Variants in ABCC6 observed in about 807,000 individuals in gnomAD.
ABCC6 encodes ATP-binding cassette sub-family C member 6.
Under a neutral mutation model 169.5 loss-of-function variants are expected in ABCC6, and 126 were observed. The ratio of observed to expected loss-of-function variants is 0.74; its 90% CI spans 0.64 to 0.86. The LOEUF (loss-of-function observed/expected upper bound fraction) is 0.86. ABCC6 is among the 40% of genes least tolerant of loss of function. ABCC6 has a pLI of 0.00. For synonymous variants in ABCC6, 752 were observed against 814.7 expected (o/e 0.92, Z 1.31); for missense variants, 1,733 against 1,927.2 (o/e 0.90, Z 1.89).
In ABCC6 at chr16:16,154,937, T is replaced by C. The variant is rs929166866; in HGVS notation, c.3977A>G (p.Asp1326Gly). 5 of 1,598,418 alleles carry C rather than the reference T, an allele frequency of 3.1e-6. No homozygotes were observed. The highest frequency in any genetic ancestry group is 4.3e-6 in the Non-Finnish European group (5 of 1,172,842). ...CCCCACGTGGGCAATGGGGACCCCG[T>C]CGATCCAGATCCCACCCTCAGCTGC... ...QEAAEGGIWI[D>G]GVPIAHVGLH... is the part of the protein sequence containing the mutation. The change falls in exon 28 of 31, where the codon GAC becomes GGC. Residue 1326 changes from aspartate (D) to glycine (G), a missense_variant. Physicochemically the swap from Asp to Gly is moderately conservative, Grantham distance 94. Around this residue, in one of 5 missense-constraint regions of ABCC6, gnomAD observed 1,601 missense variants for 1,635.5 expected, o/e 0.98. Transcript: ENST00000205557.
intron 22 of ABCC6, among the ~76,000 whole-genome samples, chr16:16,167,553 C>T (rs7205522): frequency 0.72 from 109,631 of 152,124 alleles, 42,336 homozygotes; most frequent in South Asian, 0.9. Flanking sequence ...CACTGCAAAC[C>T]CCACCTCCCA....
At chr16:16,192,654 C>T (rs2047900568) in intron 11 of ABCC6, among the ~76,000 whole-genome samples, 176 bp downstream of exon 11, 3 of 152,130 alleles carry the variant, frequency 2.0e-5, no homozygotes, top group African/African-American at 2.4e-5. Context: ...AGCCACTGTC[C>T]ATTGAGAGGA....
chr16:16,185,744 C>G (rs956996705), intron 14 of ABCC6, among the ~76,000 whole-genome samples: 1 of 151,834 alleles, frequency 6.6e-6, no homozygotes, highest in African/African-American at 2.4e-5. Context: ...AAGATTGCAC[C>G]ACTGCACTCC....
At chr16:16,157,210 T>C (rs150994849) in intron 27 of ABCC6, among the ~76,000 whole-genome samples, 63 of 152,256 alleles carry the variant, frequency 4.1e-4, no homozygotes, top group African/African-American at 1.5e-3. Context: ...GAGCTAAGCA[T>C]GTTCTATGTA....
chr16:16,216,661 C>T (rs1287609165), intron 4 of ABCC6, among the ~76,000 whole-genome samples: 1 of 147,280 alleles, frequency 6.8e-6, no homozygotes, highest in Non-Finnish European at 1.5e-5. Flanking sequence ...AGATCTCTTC[C>T]ATGTACTGAT....
rs2046492851 is a variant in ABCC6, at chr16:16,154,891, C to T, written c.4023G>A (p.Arg1341=). The part of the protein sequence containing the change: ...AHVGLHTLRS[R]ISIIPQDPIL... ...GCCTCACCTGGGGGATGATGCTGAT[C>T]CTGGAGCGCAGTGTGTGCAGCCCCA... The change falls in exon 28 of 31, where the codon AGG becomes AGA. Residue 1341 remains arginine, a synonymous_variant. Coordinates refer to ENST00000205557, the MANE Select transcript of ABCC6 (RefSeq NM_001171.6). 2.5e-6 allele frequency: 4 copies of T among 1,612,416 alleles called. No homozygotes were observed. The African/African-American group carries it at 5.3e-5, about 22-fold the overall frequency.
At chr16:16,189,058 C>T (rs886948454) in intron 12 of ABCC6, 84 bp from the exon 13 acceptor site, 26 of 1,507,518 alleles carry the variant, frequency 1.7e-5, no homozygotes, top group South Asian at 3.4e-5. Flanking sequence ...GGTGCCTGCA[C>T]GGTCCATGTG....
Position 16,150,107 on chromosome 16 carries a change from A to G in ABCC6, c.*26T>C, listed in dbSNP as rs553868820. The G allele has an allele frequency of 1.2e-6, 2 of 1,611,370 alleles. No homozygotes were observed. Among genetic ancestry groups the G allele is most frequent in the African/African-American group, 1.3e-5 (1 of 74,844 alleles). The stretch of plus-strand genomic sequence containing the variant: ...ACTGCAGGCTGTGCGGGCTGGTCCA[A>G]CTGGGGTACGGTTGAGGGTCCTGGC... On this transcript the variant is annotated 3_prime_UTR_variant, in exon 31 of 31. Coordinates refer to ENST00000205557, the MANE Select transcript of ABCC6 (RefSeq NM_001171.6).
chr16:16,214,736 T>C (rs1419445100), intron 4 of ABCC6, among the ~76,000 whole-genome samples: 1 of 152,044 alleles, frequency 6.6e-6, no homozygotes, highest in Non-Finnish European at 1.5e-5. Flanking sequence ...TCCTTAGTAG[T>C]TGGGATTACA....
intron 9 of ABCC6, among the ~76,000 whole-genome samples, chr16:16,201,282 C>G (rs1047582498): frequency 6.6e-6 from 1 of 152,154 alleles, no homozygotes; most frequent in Non-Finnish European, 1.5e-5. Context: ...GTCATTTTTA[C>G]CCCAAGCAGT....
intron 20 of ABCC6, among the ~76,000 whole-genome samples, chr16:16,173,701 T>C (rs904285606): frequency 2.6e-5 from 4 of 151,716 alleles, no homozygotes; most frequent in Non-Finnish European, 5.9e-5. Context: ...ATTTTCTTTT[T>C]TTTTTTTTTT....
chr16:16,175,743 A>G (rs1235186886), intron 20 of ABCC6, among the ~76,000 whole-genome samples, 168 bp downstream of exon 20: 2 of 142,974 alleles, frequency 1.4e-5, no homozygotes, highest in Admixed American at 7.4e-5. Context: ...TAACTGGACC[A>G]ATTTTGGTAA....
intron 24 of ABCC6, among the ~76,000 whole-genome samples, chr16:16,161,883 G>A (rs1461411646): frequency 6.6e-6 from 1 of 152,070 alleles, no homozygotes; most frequent in Non-Finnish European, 1.5e-5. Flanking sequence ...TTGGCTCTGT[G>A]TCCCCACCCA....
intron 27 of ABCC6, among the ~76,000 whole-genome samples, chr16:16,157,371 A>G (rs1016619507): frequency 6.6e-6 from 1 of 152,160 alleles, no homozygotes; most frequent in Non-Finnish European, 1.5e-5. Flanking sequence ...ATGTACCTGG[A>G]GCATTTAACA....
intron 7 of ABCC6, among the ~76,000 whole-genome samples, chr16:16,206,919 C>G (rs2048410563): frequency 1.3e-5 from 2 of 152,142 alleles, no homozygotes; most frequent in Admixed American, 1.3e-4. Context: ...GGCAGATCCC[C>G]TGAGGTCAGG....
intron 17 of ABCC6, among the ~76,000 whole-genome samples, 159 bp downstream of exon 17, chr16:16,182,253 C>T (rs1207654465): frequency 6.6e-6 from 1 of 152,162 alleles, no homozygotes; most frequent in African/African-American, 2.4e-5. Context: ...ACGTATTGAG[C>T]ACCTAGCACG....
At chr16:16,216,166 C>G (rs1224473597) in intron 4 of ABCC6, among the ~76,000 whole-genome samples, 1 of 152,220 alleles carries the variant, frequency 6.6e-6, no homozygotes, top group Non-Finnish European at 1.5e-5. Flanking sequence ...AGATGATCCT[C>G]CTGCCTTGGC....
At chr16:16,187,645 A>G (rs1265549062) in intron 13 of ABCC6, among the ~76,000 whole-genome samples, 2 of 152,228 alleles carry the variant, frequency 1.3e-5, no homozygotes, top group Non-Finnish European at 2.9e-5. Flanking sequence ...CGGTAATCCC[A>G]GCACTTTGGG....
intron 10 of ABCC6, among the ~76,000 whole-genome samples, chr16:16,196,199 G>C (rs1047419990): frequency 3.5e-5 from 4 of 114,164 alleles, no homozygotes; most frequent in Admixed American, 1.0e-4. Flanking sequence ...AACACAGTGA[G>C]ACTCTGTCTC....
Sources: allele counts gnomAD v4.1 joint callset (sites outside exome capture counted in the v4.1 genomes callset), GRCh38; gene constraint gnomAD v4.1.1; regional missense constraint gnomAD v4.1.1; transcripts MANE v1.5; gene names NCBI Gene and HGNC (gene_info 2026-07-23, HGNC 2026-07-21).